CDK17: variants seen among roughly 807,000 people sequenced by gnomAD.
The protein encoded by CDK17 is cyclin-dependent kinase 17.
Under a neutral mutation model 77.6 loss-of-function variants are expected in CDK17, and 24 were observed. That is an observed-to-expected ratio of 0.31 (90% CI 0.22 to 0.44). The LOEUF (loss-of-function observed/expected upper bound fraction) is 0.44. Among genes scored for constraint, CDK17 ranks in the 20% least tolerant of loss-of-function variants. CDK17 has a pLI of 1.00. For missense variants in CDK17, 429 were observed against 622.5 expected (o/e 0.69, Z 3.31); for synonymous variants, 203 against 210.4 (o/e 0.96, Z 0.30).
intron 2 of CDK17, among the ~76,000 whole-genome samples, chr12:96,334,007 G>C (rs896262820): frequency 6.6e-6 from 1 of 152,162 alleles, no homozygotes; most frequent in Non-Finnish European, 1.5e-5. Context: ...CATTCTAGTG[G>C]AAGGGGTAAG....
chr12:96,375,003 A>T (rs1379891729), intron 1 of CDK17, among the ~76,000 whole-genome samples: 1 of 152,210 alleles, frequency 6.6e-6, no homozygotes, highest in African/African-American at 2.4e-5. Flanking sequence ...ATGGGCCTCA[A>T]CACTGGCCAA....
At position 96,280,898 on chromosome 12, in the gene CDK17, G is replaced by T; in HGVS notation, c.1457-13C>A. 1.2e-6 allele frequency: 2 copies of T among 1,602,414 alleles called. No individual in the cohort carries two copies. The highest frequency in any genetic ancestry group is 2.2e-5 in the East Asian group (1 of 44,756). ...AATATTGATACACCTAAAATGCATAGACAAAAATTATTAGGTGAAGGTCTA... is the reference window on the plus strand; with the variant it reads ...AATATTGATACACCTAAAATGCATATACAAAAATTATTAGGTGAAGGTCTA... On this transcript the variant is annotated splice_polypyrimidine_tract_variant and intron_variant, in intron 15 of 16. Coordinates refer to ENST00000261211, the MANE Select transcript of CDK17 (RefSeq NM_002595.5).
chr12:96,287,279 G>A (rs1393106108), intron 11 of CDK17, among the ~76,000 whole-genome samples: 1 of 152,124 alleles, frequency 6.6e-6, no homozygotes. Flanking sequence ...ACAAGGCGGT[G>A]TGTGTAAGTG....
chr12:96,313,481 G>T, intron 3 of CDK17, 27 bp from the exon 4 acceptor site: 1 of 1,315,410 alleles, frequency 7.6e-7, no homozygotes, highest in Non-Finnish European at 1.0e-6. Context: ...GACATTAAAA[G>T]AGATACATTA....
In CDK17 at chr12:96,295,112, T is replaced by C; in HGVS notation, c.884A>G (p.Tyr295Cys). The C allele has an allele frequency of 3.1e-6, 5 of 1,604,838 alleles. No individual in the cohort carries two copies. Among genetic ancestry groups the C allele is most frequent in the South Asian group, 1.1e-5 (1 of 89,144 alleles). ...MSMHNVKLFL[Y>C]QILRGLAYCH... is the part of the protein sequence containing the mutation. Reference sequence around the variant, plus strand: ...ATATGCCAAACCACGTAGAATTTGGTACAGAAACAGCTACAGAAACAAATA... The same window carrying C: ...ATATGCCAAACCACGTAGAATTTGGCACAGAAACAGCTACAGAAACAAATA... The change falls in exon 10 of 17, where the codon TAC (tyrosine) becomes TGC (cysteine). Residue 295 changes from tyrosine to cysteine, a missense_variant. Tyr to Cys is a radical substitution (Grantham distance 194). Around this residue, in one of 4 missense-constraint regions of CDK17, gnomAD observed 262 missense variants for 385.4 expected, o/e 0.68. Coordinates refer to ENST00000261211, the MANE Select transcript of CDK17 (RefSeq NM_002595.5).
intron 1 of CDK17, among the ~76,000 whole-genome samples, chr12:96,342,071 T>C (rs773534493): frequency 1.3e-5 from 2 of 152,228 alleles, no homozygotes; most frequent in African/African-American, 2.4e-5. Context: ...GAATAAAATC[T>C]AGGATTTATT....
chr12:96,321,926 A>C (rs1952822105), intron 3 of CDK17, among the ~76,000 whole-genome samples: 1 of 150,692 alleles, frequency 6.6e-6, no homozygotes, highest in African/African-American at 2.4e-5. Context: ...AACCTGCACA[A>C]TGTGCACATG....
chr12:96,335,941 A>C (rs2137145286), intron 1 of CDK17, among the ~76,000 whole-genome samples: 1 of 152,318 alleles, frequency 6.6e-6, no homozygotes, highest in South Asian at 2.1e-4. Flanking sequence ...TCTATATTAA[A>C]GTACAGGGGT....
chr12:96,356,205 T>C (rs189300241), intron 1 of CDK17, among the ~76,000 whole-genome samples: 88 of 152,352 alleles, frequency 5.8e-4, no homozygotes, highest in Non-Finnish European at 1.1e-3. Flanking sequence ...AATGTTTTCA[T>C]AATTATTTCA....
At chr12:96,336,107 G>A (rs767943044) in intron 1 of CDK17, among the ~76,000 whole-genome samples, 3 of 152,106 alleles carry the variant, frequency 2.0e-5, no homozygotes, top group Non-Finnish European at 4.4e-5. Context: ...GCTGGGGGGG[G>A]AGGTATCACA....
chr12:96,334,697 T>G (rs1434548451), intron 2 of CDK17, 22 bp downstream of exon 2: 1 of 1,252,254 alleles, frequency 8.0e-7, no homozygotes, highest in African/African-American at 1.5e-5. Context: ...AGGAAGCATC[T>G]CCCCCTATGC....
intron 1 of CDK17, among the ~76,000 whole-genome samples, chr12:96,363,449 C>CA (rs34143645): frequency 9.1e-4 from 101 of 110,800 alleles, no homozygotes; most frequent in South Asian, 2.6e-3. Flanking sequence ...GACTTCGTCT[C>CA]AAAAAAAAAA....
chr12:96,364,700 A>T (rs772084248), intron 1 of CDK17, among the ~76,000 whole-genome samples: 6 of 152,204 alleles, frequency 3.9e-5, no homozygotes, highest in Non-Finnish European at 7.3e-5. Flanking sequence ...TACTACAGGA[A>T]ATCACTTCCA....
At chr12:96,331,940 G>T (rs1952976375) in intron 2 of CDK17, among the ~76,000 whole-genome samples, 2 of 152,120 alleles carry the variant, frequency 1.3e-5, no homozygotes, top group South Asian at 2.1e-4. Context: ...GCCATGTGAC[G>T]TTTCAGACAA....
chr12:96,316,692 G>A (rs529019234), intron 3 of CDK17, among the ~76,000 whole-genome samples: 1 of 126,548 alleles, frequency 7.9e-6, no homozygotes, highest in African/African-American at 3.0e-5. Context: ...CCCCAGCAGG[G>A]GCACACTGAC....
chr12:96,325,749 G>T (rs1302752692), intron 2 of CDK17, among the ~76,000 whole-genome samples: 1 of 152,200 alleles, frequency 6.6e-6, no homozygotes, highest in Non-Finnish European at 1.5e-5. Flanking sequence ...AGAATTTGGG[G>T]ATCTTAAGTG....
intron 1 of CDK17, among the ~76,000 whole-genome samples, chr12:96,336,878 A>C (rs1180303950): frequency 6.6e-6 from 1 of 152,218 alleles, no homozygotes. Context: ...CAGTATTTTA[A>C]AGCCCCTGCT....
intron 1 of CDK17, among the ~76,000 whole-genome samples, chr12:96,384,372 G>A (rs1211581739): frequency 6.6e-6 from 1 of 152,124 alleles, no homozygotes; most frequent in African/African-American, 2.4e-5. Flanking sequence ...GCTAAAAACT[G>A]AACTACCATT....
intron 2 of CDK17, among the ~76,000 whole-genome samples, chr12:96,329,141 G>C (rs1952932877): frequency 6.6e-6 from 1 of 152,132 alleles, no homozygotes; most frequent in Admixed American, 6.5e-5. Flanking sequence ...CTGGGGAGAG[G>C]AGGGAATGTG....
Sources: gnomAD v4.1 joint callset for allele counts (sites outside exome capture counted in the v4.1 genomes callset) on GRCh38, gnomAD v4.1.1 for gene constraint, gnomAD v4.1.1 regional missense constraint, MANE v1.5 for transcripts, NCBI Gene and HGNC (gene_info 2026-07-23, HGNC 2026-07-21) for gene names.